Variants in TCF12 observed in about 807,000 individuals in gnomAD.
TCF12 encodes the protein transcription factor 12, also known as DNA-binding protein HTF4.
Under a neutral mutation model 86.0 loss-of-function variants are expected in TCF12, and 45 were observed. The observed-to-expected ratio is 0.52, with a 90% CI of 0.41 to 0.67. The LOEUF is 0.67. Ranked by LOEUF, TCF12 falls within the 30% of genes least tolerant of loss-of-function variation. TCF12 has a pLI of 0.00. For synonymous variants in TCF12, 330 were observed against 299.6 expected (o/e 1.10, Z -1.05); for missense variants, 881 against 859.9 (o/e 1.02, Z -0.31).
chr15:56,925,354 C>T (rs2059963535), intron 3 of TCF12, among the ~76,000 whole-genome samples: 1 of 146,516 alleles, frequency 6.8e-6, no homozygotes, highest in Non-Finnish European at 1.5e-5. Context: ...GTGAGGCATA[C>T]CTACAATTAC....
intron 13 of TCF12, among the ~76,000 whole-genome samples, chr15:57,249,699 C>T (rs1171930480): frequency 2.6e-5 from 4 of 152,062 alleles, no homozygotes; most frequent in African/African-American, 9.7e-5. Context: ...CATTAGCTTC[C>T]TAAGTAAGGC....
At chr15:56,985,893 C>T (rs1340287333) in intron 3 of TCF12, among the ~76,000 whole-genome samples, 3 of 152,122 alleles carry the variant, frequency 2.0e-5, no homozygotes, top group Non-Finnish European at 2.9e-5. Context: ...ACAGGACCAA[C>T]TGTGAGGCTG....
At chr15:57,159,105 G>T (rs2054318032) in intron 5 of TCF12, among the ~76,000 whole-genome samples, 1 of 152,194 alleles carries the variant, frequency 6.6e-6, no homozygotes, top group African/African-American at 2.4e-5. Flanking sequence ...TTCTAGACAA[G>T]AATTTCTGAA....
chr15:57,275,204 C>T (rs2061322935), intron 19 of TCF12, among the ~76,000 whole-genome samples: 1 of 152,140 alleles, frequency 6.6e-6, no homozygotes, highest in Admixed American at 6.5e-5. Context: ...ATACACTGAA[C>T]TGTAACTTCG....
chr15:57,186,177 G>T (rs1249153807), intron 6 of TCF12, among the ~76,000 whole-genome samples: 2 of 152,096 alleles, frequency 1.3e-5, no homozygotes, highest in East Asian at 3.9e-4. Flanking sequence ...TAAAGAAATA[G>T]AATTAGTAAT....
At chr15:57,256,962 C>CT (rs1478390792) in intron 16 of TCF12, among the ~76,000 whole-genome samples, 1 of 152,124 alleles carries the variant, frequency 6.6e-6, no homozygotes, top group Non-Finnish European at 1.5e-5. Context: ...GTTTGATATG[C>CT]TTTTTCTATA....
At chr15:57,129,378 T>C (rs1596691406) in intron 5 of TCF12, among the ~76,000 whole-genome samples, 2 of 152,258 alleles carry the variant, frequency 1.3e-5, no homozygotes, top group East Asian at 3.9e-4. Context: ...CTGGGCAACA[T>C]TGCAAAACCC....
chr15:57,127,753 A>G (rs1567477143), intron 5 of TCF12, among the ~76,000 whole-genome samples: 1 of 152,178 alleles, frequency 6.6e-6, no homozygotes, highest in African/African-American at 2.4e-5. Context: ...CCCCATAGGA[A>G]GAGCTGTCCC....
At chr15:56,952,532 CATTT>C (rs2061329061) in intron 3 of TCF12, among the ~76,000 whole-genome samples, 2 of 151,864 alleles carry the variant, frequency 1.3e-5, no homozygotes, top group Non-Finnish European at 2.9e-5. Flanking sequence ...TGTAGCATTC[CATTT>C]ATTTAGGTTG....
intron 5 of TCF12, among the ~76,000 whole-genome samples, chr15:57,145,503 C>T (rs539027718): frequency 6.6e-6 from 1 of 152,058 alleles, no homozygotes; most frequent in Non-Finnish European, 1.5e-5. Flanking sequence ...AAAATGTGTA[C>T]TAGGGATCAT....
chr15:57,084,727 G>A (rs1175774871), intron 4 of TCF12, among the ~76,000 whole-genome samples: 1 of 151,394 alleles, frequency 6.6e-6, no homozygotes, highest in Non-Finnish European at 1.5e-5. Context: ...AATACTTCTT[G>A]GAAATAAACT....
chr15:57,244,756 G>A (rs150141641), intron 13 of TCF12, among the ~76,000 whole-genome samples: 4 of 151,840 alleles, frequency 2.6e-5, no homozygotes, highest in South Asian at 2.1e-4. Context: ...GACCCACTGC[G>A]CCCGGCCCAC....
intron 5 of TCF12, among the ~76,000 whole-genome samples, chr15:57,103,907 C>T (rs1161224865): frequency 1.3e-5 from 2 of 152,120 alleles, no homozygotes; most frequent in African/African-American, 2.4e-5. Context: ...ACTCAGGAGG[C>T]TGAGGTGGGA....
At chr15:57,012,150 T>G (rs1352164666) in intron 3 of TCF12, among the ~76,000 whole-genome samples, 1 of 152,218 alleles carries the variant, frequency 6.6e-6, no homozygotes, top group African/African-American at 2.4e-5. Context: ...ATGGGGAATT[T>G]CTATTCTGAT....
At chr15:57,025,685 C>T (rs1202641749) in intron 3 of TCF12, among the ~76,000 whole-genome samples, 3 of 152,110 alleles carry the variant, frequency 2.0e-5, no homozygotes, top group African/African-American at 7.2e-5. Flanking sequence ...ATGATAGCTC[C>T]TCATACAGTG....
chr15:57,030,061 T>C (rs1349959127), intron 3 of TCF12, among the ~76,000 whole-genome samples: 2 of 108,604 alleles, frequency 1.8e-5, no homozygotes, highest in Non-Finnish European at 3.5e-5. Flanking sequence ...TGTATGAACA[T>C]AAGTTTTCAT....
chr15:56,953,756 A>G (rs2061380146), intron 3 of TCF12, among the ~76,000 whole-genome samples: 1 of 151,212 alleles, frequency 6.6e-6, no homozygotes, highest in Non-Finnish European at 1.5e-5. Flanking sequence ...TAAAATCTGT[A>G]GTGATGTTAC....
intron 5 of TCF12, among the ~76,000 whole-genome samples, chr15:57,146,291 T>G (rs1232083669): frequency 5.9e-5 from 9 of 152,208 alleles, no homozygotes; most frequent in Admixed American, 5.9e-4. Context: ...AAGGTTTTTC[T>G]TTCATTCTTA....
chr15:57,007,906 CTTCCTTCCTCTT>C (rs2064553425), intron 3 of TCF12, among the ~76,000 whole-genome samples: 1 of 53,024 alleles, frequency 1.9e-5, no homozygotes, highest in South Asian at 5.5e-4. Flanking sequence ...TCCTTCCTTC[CTTCCTTCCTCTT>C]TCTTTGTTTC....
Sources: gnomAD v4.1 joint callset for allele counts (sites outside exome capture counted in the v4.1 genomes callset) on GRCh38, gnomAD v4.1.1 for gene constraint, MANE v1.5 for transcripts, NCBI Gene and HGNC (gene_info 2026-07-23, HGNC 2026-07-21) for gene names.